MAPKAP1: variants seen among roughly 807,000 people sequenced by gnomAD.
MAPKAP1 encodes the protein target of rapamycin complex 2 subunit MAPKAP1.
Under a neutral mutation model 65.7 loss-of-function variants are expected in MAPKAP1, and 20 were observed. That is an observed-to-expected ratio of 0.30 (90% CI 0.21 to 0.44). The LOEUF (loss-of-function observed/expected upper bound fraction) is 0.44. MAPKAP1 is among the 20% of genes least tolerant of loss of function. MAPKAP1 has a pLI of 1.00. For synonymous variants in MAPKAP1, 222 were observed against 244.3 expected (o/e 0.91, Z 0.85); for missense variants, 423 against 648.0 (o/e 0.65, Z 3.77).
intron 7 of MAPKAP1, among the ~76,000 whole-genome samples, chr9:125,534,281 T>C (rs762261495): frequency 2.0e-5 from 3 of 152,252 alleles, no homozygotes; most frequent in Admixed American, 6.5e-5. Flanking sequence ...AAGGAAGTTA[T>C]AGGAAACCTT....
intron 4 of MAPKAP1, among the ~76,000 whole-genome samples, chr9:125,640,143 A>G (rs898026196): frequency 7.2e-5 from 11 of 151,958 alleles, no homozygotes; most frequent in African/African-American, 1.9e-4. Context: ...TCGCTCTGTC[A>G]CCCAGGCTGG....
At chr9:125,679,362 C>T (rs13283793) in intron 1 of MAPKAP1, among the ~76,000 whole-genome samples, 55,374 of 151,956 alleles carry the variant, frequency 0.36, 10,335 homozygotes, top group Middle Eastern at 0.44. Context: ...GAGAAATTTC[C>T]CCCATGGGTC....
At chr9:125,702,016 G>A (rs1322656711) in intron 1 of MAPKAP1, among the ~76,000 whole-genome samples, 1 of 152,214 alleles carries the variant, frequency 6.6e-6, no homozygotes, top group African/African-American at 2.4e-5. Context: ...GTAGGTTGGA[G>A]TTCACAATCA....
intron 1 of MAPKAP1, among the ~76,000 whole-genome samples, chr9:125,694,405 A>C (rs1419389982): frequency 1.3e-5 from 2 of 152,128 alleles, no homozygotes; most frequent in Admixed American, 6.5e-5. Flanking sequence ...AAAAGGACTT[A>C]AGCACACATG....
intron 10 of MAPKAP1, among the ~76,000 whole-genome samples, chr9:125,460,251 A>G (rs1460519957): frequency 6.6e-6 from 1 of 152,202 alleles, no homozygotes; most frequent in Non-Finnish European, 1.5e-5. Context: ...GGGTCCATAA[A>G]GCCCAAGTCA....
chr9:125,640,794 T>G (rs894133736), intron 4 of MAPKAP1, among the ~76,000 whole-genome samples: 3 of 152,200 alleles, frequency 2.0e-5, no homozygotes, highest in Non-Finnish European at 4.4e-5. Flanking sequence ...TTGAGTACTC[T>G]TCTAGAACCA....
chr9:125,549,466 A>G (rs1356364789), intron 6 of MAPKAP1, among the ~76,000 whole-genome samples: 1 of 152,248 alleles, frequency 6.6e-6, no homozygotes, highest in African/African-American at 2.4e-5. Flanking sequence ...TTTATCCATA[A>G]AGAGTTTACA....
chr9:125,673,681 G>A (rs1015078282), intron 1 of MAPKAP1, among the ~76,000 whole-genome samples: 5 of 152,044 alleles, frequency 3.3e-5, no homozygotes, highest in African/African-American at 7.2e-5. Context: ...ACCCTTTGGG[G>A]GGCCGAGGCA....
chr9:125,468,248 C>T (rs28394762), intron 9 of MAPKAP1, 139 bp from the exon 10 acceptor site: 19 of 778,730 alleles, frequency 2.4e-5, no homozygotes, highest in South Asian at 2.4e-4. Flanking sequence ...GGGAATGCCA[C>T]GGGCTTCCTG....
intron 4 of MAPKAP1, among the ~76,000 whole-genome samples, chr9:125,637,004 C>G (rs1359072171): frequency 6.6e-6 from 1 of 152,174 alleles, no homozygotes; most frequent in Non-Finnish European, 1.5e-5. Flanking sequence ...CACGGTGGCT[C>G]ACGCTTGTAA....
At chr9:125,706,895 G>A (rs1326110482) in intron 1 of MAPKAP1, 76 bp downstream of exon 1, 5 of 383,434 alleles carry the variant, frequency 1.3e-5, no homozygotes, top group Non-Finnish European at 1.8e-5. Context: ...AAACTGGAGG[G>A]GTGAGAGGGC....
chr9:125,529,892 C>A (rs954316592), intron 7 of MAPKAP1, among the ~76,000 whole-genome samples: 1 of 152,228 alleles, frequency 6.6e-6, no homozygotes, highest in South Asian at 2.1e-4. Flanking sequence ...AAGAAATGCC[C>A]TTACTGACTA....
chr9:125,687,518 A>G (rs937348334), intron 1 of MAPKAP1, among the ~76,000 whole-genome samples: 11 of 152,106 alleles, frequency 7.2e-5, no homozygotes, highest in Non-Finnish European at 1.5e-5. Context: ...GCTCATGCCT[A>G]TAAATCCCAG....
At chr9:125,486,340 T>G (rs1470410303) in intron 8 of MAPKAP1, among the ~76,000 whole-genome samples, 3 of 151,598 alleles carry the variant, frequency 2.0e-5, no homozygotes, top group Non-Finnish European at 4.4e-5. Context: ...GTGCAGGGGG[T>G]AGAATGGGTT....
chr9:125,569,578 C>T (rs1336716922), intron 5 of MAPKAP1, among the ~76,000 whole-genome samples: 2 of 152,060 alleles, frequency 1.3e-5, no homozygotes, highest in African/African-American at 2.4e-5. Context: ...TCTAAAAGGA[C>T]GTTATTAGAG....
intron 4 of MAPKAP1, among the ~76,000 whole-genome samples, chr9:125,592,552 G>A (rs1456826979): frequency 6.6e-6 from 1 of 152,192 alleles, no homozygotes; most frequent in Non-Finnish European, 1.5e-5. Flanking sequence ...GAGGGAAAGA[G>A]AGGATCGATT....
chr9:125,467,828 G>A (rs1296909406), intron 10 of MAPKAP1, 144 bp downstream of exon 10: 2 of 904,306 alleles, frequency 2.2e-6, no homozygotes, highest in African/African-American at 1.7e-5. Context: ...AATCCCGTTT[G>A]ATTAAAAGAA....
Position 125,503,880 on chromosome 9 carries a change from C to CTTTTTTTTTTTTT in MAPKAP1, c.1066+2417_1066+2429dup, listed in dbSNP as rs35867576. On this transcript the variant is annotated intron_variant, in intron 8 of 11. Coordinates refer to ENST00000265960, the MANE Select transcript of MAPKAP1 (RefSeq NM_001006617.3). The stretch of plus-strand genomic sequence containing the variant: ...TATAGGCACCCGCCACCACGCTTGG[C>CTTTTTTTTTTTTT]TTTTTTTTTTTTTTTTTTTTTTTTT... 1.4e-3 allele frequency among the ~76,000 whole-genome samples: 91 copies of CTTTTTTTTTTTTT among 66,242 alleles called. 8 individuals carry two copies. The highest frequency in any genetic ancestry group is 3.7e-3 in the African/African-American group (46 of 12,590). The allele number at this position is 66,242 out of a possible 152,430, so 43.5% of individuals were successfully genotyped here.
chr9:125,526,328 G>A (rs1829766859), intron 7 of MAPKAP1, among the ~76,000 whole-genome samples: 1 of 152,188 alleles, frequency 6.6e-6, no homozygotes, highest in Non-Finnish European at 1.5e-5. Context: ...ATGTCAAAAT[G>A]TACATGTGAC....
Sources: gnomAD v4.1 joint callset for allele counts (sites outside exome capture counted in the v4.1 genomes callset) on GRCh38, gnomAD v4.1.1 for gene constraint, MANE v1.5 for transcripts, NCBI Gene and HGNC (gene_info 2026-07-23, HGNC 2026-07-21) for gene names.